FGF13: variants seen among roughly 807,000 people sequenced by gnomAD.
FGF13 encodes fibroblast growth factor homologous factor 2.
Under a neutral mutation model 19.5 loss-of-function variants are expected in FGF13, and 2 were observed. The ratio of observed to expected loss-of-function variants is 0.10; its 90% CI spans 0.04 to 0.32. FGF13 has a LOEUF of 0.32. FGF13 is among the 10% of genes least tolerant of loss of function. The pLI, the probability that FGF13 is intolerant of heterozygous loss-of-function variation, is 1.00. For synonymous variants in FGF13, 72 were observed against 76.9 expected (o/e 0.94, Z 0.33); for missense variants, 113 against 192.7 (o/e 0.59, Z 2.45).
intron 1 of FGF13, among the ~76,000 whole-genome samples, chrX:138,996,231 C>A (rs771417068): frequency 8.9e-6 from 1 of 112,518 alleles, no homozygotes; most frequent in Non-Finnish European, 1.9e-5. Flanking sequence ...CACGGCATCA[C>A]CTCACCCGGG....
intron 3 of FGF13, among the ~76,000 whole-genome samples, chrX:138,645,634 T>G (rs916487216): frequency 1.7e-4 from 19 of 112,055 alleles, no homozygotes; most frequent in African/African-American, 6.2e-4. Context: ...TTTCCATTTG[T>G]GTGATATATA....
chrX:138,627,316 T>C lies in FGF13; in HGVS notation c.*5534A>G, dbSNP rs1192790841. On this transcript the variant is annotated 3_prime_UTR_variant, in exon 5 of 5. Transcript: ENST00000315930. ...TCATTATCCCATACGTTTCTCTTAC[T>C]CTAATTGCTAACTTTACACAGCATT... 8.9e-6 allele frequency: 1 copy of C among 111,861 alleles called. No individual in the cohort carries two copies. Among genetic ancestry groups the C allele is most frequent in the Non-Finnish European group, 1.9e-5 (1 of 53,215 alleles). 9.2% of individuals were successfully genotyped at this position (111,861 alleles called of 1,213,427 possible). A position where few individuals can be genotyped will look rare whatever the true frequency, so the allele number is the denominator to read the frequency against.
intron 1 of FGF13, among the ~76,000 whole-genome samples, chrX:139,091,482 C>T (rs899143646): frequency 9.0e-6 from 1 of 111,109 alleles, no homozygotes; most frequent in Non-Finnish European, 1.9e-5. Flanking sequence ...TCTGTAGGGC[C>T]CAGAGGCAAA....
chrX:138,925,456 T>G (rs1260421770), intron 1 of FGF13, among the ~76,000 whole-genome samples: 1 of 111,543 alleles, frequency 9.0e-6, no homozygotes, highest in Non-Finnish European at 1.9e-5. Context: ...ACAGGAAGGT[T>G]GATTTATTTT....
chrX:138,771,163 T>C (rs1038156231), intron 3 of FGF13, among the ~76,000 whole-genome samples: 1 of 111,783 alleles, frequency 8.9e-6, no homozygotes, highest in Non-Finnish European at 1.9e-5. Context: ...ATAATTAGCA[T>C]GCATCCTTGC....
intron 1 of FGF13, among the ~76,000 whole-genome samples, chrX:138,968,339 A>G (rs1033701715): frequency 7.1e-5 from 8 of 112,319 alleles, no homozygotes; most frequent in African/African-American, 2.3e-4. Flanking sequence ...TGACTATGCA[A>G]TCCTACTGGG....
intron 2 of FGF13, among the ~76,000 whole-genome samples, 170 bp downstream of exon 2, chrX:138,708,644 TAGAC>T (rs776717777): frequency 1.1e-4 from 12 of 112,856 alleles, no homozygotes; most frequent in African/African-American, 3.9e-4. Flanking sequence ...TTTACTATCT[TAGAC>T]AGACTCATAT....
At chrX:138,917,179 G>T (rs773051516) in intron 1 of FGF13, among the ~76,000 whole-genome samples, 1 of 111,987 alleles carries the variant, frequency 8.9e-6, no homozygotes, top group East Asian at 2.8e-4. Flanking sequence ...CTCCTGCACT[G>T]TTATGGACTG....
intron 1 of FGF13, chrX:138,864,740 G>A (rs901103299): frequency 2.7e-5 from 3 of 112,492 alleles, no homozygotes; most frequent in African/African-American, 9.7e-5. Flanking sequence ...GCCCCTGCAT[G>A]AATGACATAT....
chrX:139,083,553 G>A (rs1013255479), intron 1 of FGF13, among the ~76,000 whole-genome samples: 1 of 112,206 alleles, frequency 8.9e-6, no homozygotes, highest in Non-Finnish European at 1.9e-5. Context: ...AGAGAATGTG[G>A]TAACCCTCAA....
Position 138,707,267 on chromosome X carries a change from C to CT in FGF13, c.298+1550dup, listed in dbSNP as rs770421391. The stretch of plus-strand genomic sequence containing the variant: ...TAGGACACAGCACATGAATTATCTA[C>CT]TTTTTTTTTATTTCTTTTCAGGAAA... On this transcript the variant is annotated intron_variant, in intron 2 of 4. Coordinates refer to ENST00000315930, the MANE Select transcript of FGF13 (RefSeq NM_004114.5). Among the ~76,000 whole-genome samples, 186 of 110,009 alleles carry CT rather than the reference C, an allele frequency of 1.7e-3. 1 individual carries two copies. The highest frequency in any genetic ancestry group is 5.6e-3 in the African/African-American group (169 of 30,250).
chrX:138,934,052 T>C (rs776264193), intron 1 of FGF13, among the ~76,000 whole-genome samples: 1 of 112,326 alleles, frequency 8.9e-6, no homozygotes, highest in African/African-American at 3.2e-5. Flanking sequence ...CTTTTCTAAA[T>C]GAAAAAAATA....
downstream of FGF13, among the ~76,000 whole-genome samples, chrX:138,853,060 A>T (rs965273844): frequency 8.9e-6 from 1 of 111,916 alleles, no homozygotes. Context: ...GGAGACAGAC[A>T]TGGAACCTAG....
intron 3 of FGF13, among the ~76,000 whole-genome samples, chrX:138,807,470 T>G: frequency 8.9e-6 from 1 of 111,812 alleles, no homozygotes; most frequent in Non-Finnish European, 1.9e-5. Context: ...GAACAACTGG[T>G]ACCAGCCACT....
chrX:139,090,941 C>CAAAAAAAAA (rs1181771963), intron 1 of FGF13, among the ~76,000 whole-genome samples: 1 of 32,758 alleles, frequency 3.1e-5, no homozygotes, highest in African/African-American at 1.1e-4. Flanking sequence ...GACCCTGTCT[C>CAAAAAAAAA]AAAAAAAAAA....
intron 3 of FGF13, among the ~76,000 whole-genome samples, chrX:138,699,816 T>G (rs1208998744): frequency 8.9e-6 from 1 of 111,791 alleles, no homozygotes; most frequent in Non-Finnish European, 1.9e-5. Flanking sequence ...ATGTGATAAC[T>G]CCCGAGTTTT....
chrX:138,821,799 G>C (rs2124067047), intron 3 of FGF13, among the ~76,000 whole-genome samples: 1 of 111,309 alleles, frequency 9.0e-6, no homozygotes, highest in African/African-American at 3.3e-5. Flanking sequence ...CAGAGTGGAG[G>C]GATCAATGGC....
rs978017525 is a variant in FGF13 at position 138,615,850 on chromosome X, T to C, written c.*17000A>G. ...TGGTGGAAGGCCCCTCTTCACAGGG[T>C]GGCAGGAGAGAGAATGAGTGCCAGC... On this transcript the variant is annotated 3_prime_UTR_variant, in exon 5 of 5. Transcript: ENST00000315930. The C allele has an allele frequency of 9.0e-6, 1 of 111,424 alleles. No homozygotes were observed. The highest frequency in any genetic ancestry group is 1.9e-5 in the Non-Finnish European group (1 of 53,367). 9.2% of individuals were successfully genotyped at this position (111,424 alleles called of 1,213,427 possible).
intron 1 of FGF13, among the ~76,000 whole-genome samples, chrX:139,162,617 G>A (rs2084044527): frequency 8.9e-6 from 1 of 111,783 alleles, no homozygotes; most frequent in South Asian, 3.8e-4. Context: ...CTACAGAATT[G>A]GAGAAAATTT....
Sources: gnomAD v4.1 joint callset for allele counts (sites outside exome capture counted in the v4.1 genomes callset) on GRCh38, gnomAD v4.1.1 for gene constraint, MANE v1.5 for transcripts, NCBI Gene and HGNC (gene_info 2026-07-23, HGNC 2026-07-21) for gene names.